The following EP400 variants were observed in gnomAD, a reference collection of about 807,000 sequenced individuals.
The protein encoded by EP400 is E1A-binding protein p400.
A neutral mutation model predicts 354.1 loss-of-function variants in EP400; 105 were observed. The observed-to-expected ratio is 0.30, with a 90% CI of 0.25 to 0.35. The LOEUF is 0.35. EP400 is among the 10% of genes least tolerant of loss of function. EP400 has a pLI of 1.00. For missense variants in EP400, 3,280 were observed against 4,121.0 expected (o/e 0.80, Z 5.59); for synonymous variants, 1,646 against 1,716.9 (o/e 0.96, Z 1.02).
intron 30 of EP400, among the ~76,000 whole-genome samples, chr12:132,034,575 A>G (rs983455266): frequency 4.6e-5 from 7 of 152,180 alleles, no homozygotes; most frequent in African/African-American, 1.7e-4. Context: ...GTGCCCCACT[A>G]TGAGCCATGG....
At chr12:132,060,119 A>G (rs1895643804) in intron 45 of EP400, among the ~76,000 whole-genome samples, 1 of 152,214 alleles carries the variant, frequency 6.6e-6, no homozygotes, top group Non-Finnish European at 1.5e-5. Flanking sequence ...AAGTATATAG[A>G]GAACTTTTAG....
rs1893981019 is a variant in EP400, at chr12:132,017,433, T to C, written c.3924-102T>C. 1.5e-5 allele frequency: 20 copies of C among 1,310,952 alleles called. No individual in the cohort carries two copies. The highest frequency in any genetic ancestry group is 2.0e-5 in the Non-Finnish European group (19 of 944,296). The allele number at this position is 1,310,952 out of a possible 1,614,324, so 81.2% of individuals were successfully genotyped here. A position where few individuals can be genotyped will look rare whatever the true frequency, so the allele number is the denominator to read the frequency against. ...CATTAAGCGGACCTAGAAAATCTGC[T>C]CCTGCCTGCCTTTCTGGAGTTGGGA... On this transcript the variant is annotated intron_variant, in intron 19 of 52. Coordinates refer to ENST00000389561, the MANE Select transcript of EP400 (RefSeq NM_015409.5). This position sits in a 1 kb window ranked among gnomAD's most constrained non-coding sequence, Gnocchi z 5.0.
At chr12:132,023,188 A>G (rs1005122342) in intron 23 of EP400, among the ~76,000 whole-genome samples, 11 of 148,544 alleles carry the variant, frequency 7.4e-5, no homozygotes, top group African/African-American at 2.8e-4. Flanking sequence ...ACTGGGGTGC[A>G]ATGGCCTGAT....
Position 132,053,646 on chromosome 12 carries a change from C to T in EP400, c.7728+49C>T, listed in dbSNP as rs1248060591. 5 of 1,451,472 alleles carry T rather than the reference C, an allele frequency of 3.4e-6. No individual in the cohort carries two copies. In the South Asian group the frequency reaches 7.2e-5, roughly 21 times the overall value. The allele number at this position is 1,451,472 out of a possible 1,614,324, so 89.9% of individuals were successfully genotyped here. The stretch of plus-strand genomic sequence containing the variant: ...CTTCCCCTCTACGGGAAGTCACCCA[C>T]ACCTGCACTTGATTCAAGTGCTTTC... On this transcript the variant is annotated intron_variant, in intron 43 of 52. Transcript: ENST00000389561.
rs1348085506 is a variant in EP400, at chr12:132,055,139, G to A, written c.7815G>A (p.Gly2605=). Residue 2605 remains glycine, a synonymous_variant, in exon 45 of 53, where the codon GGG becomes GGA. Transcript: ENST00000389561. The part of the protein sequence containing the change: ...SGNVIVNTIA[G]VPAATFQSIN... ...ATGTGATCGTGAACACCATCGCAGG[G>A]GTCCCAGCTGCCACCTTCCAGTCCA... 6.2e-7 allele frequency: 1 copy of A among 1,609,110 alleles called. No individual in the cohort carries two copies. The highest frequency in any genetic ancestry group is 1.1e-5 in the South Asian group (1 of 90,624).
At chr12:131,963,994 A>G (rs1167983338) in intron 2 of EP400, among the ~76,000 whole-genome samples, 1 of 152,198 alleles carries the variant, frequency 6.6e-6, no homozygotes, top group Non-Finnish European at 1.5e-5. Context: ...AGTGCAAAAC[A>G]GAATAAGAAA....
chr12:132,015,950 G>A (rs1893915477), intron 19 of EP400, among the ~76,000 whole-genome samples: 1 of 152,008 alleles, frequency 6.6e-6, no homozygotes, highest in Non-Finnish European at 1.5e-5. Flanking sequence ...TCTGTACCAC[G>A]AGCTCCAGAG....
intron 12 of EP400, among the ~76,000 whole-genome samples, chr12:131,995,912 AGT>A (rs960092392): frequency 3.3e-5 from 5 of 151,428 alleles, no homozygotes; most frequent in Non-Finnish European, 5.9e-5. Flanking sequence ...GTTCATCCTG[AGT>A]GTGTGAGAAC....
At chr12:131,989,520 G>C (rs909124908) in intron 7 of EP400, among the ~76,000 whole-genome samples, 3 of 152,246 alleles carry the variant, frequency 2.0e-5, no homozygotes, top group African/African-American at 7.2e-5. Flanking sequence ...GGTATGTGAA[G>C]TGTCTAAACT....
intron 2 of EP400, chr12:131,963,500 T>C: frequency 6.6e-7 from 1 of 1,520,886 alleles, no homozygotes; most frequent in East Asian, 2.3e-5. Flanking sequence ...AAAAATTATG[T>C]TGCCTTTTTT....
At position 132,021,287 on chromosome 12, in the gene EP400, G is replaced by C; in HGVS notation, c.4656G>C (p.Leu1552=). Residue 1552 remains leucine, a synonymous_variant, in exon 23 of 53, where the codon CTG becomes CTC. Transcript: ENST00000389561. ...AAGQSALPQR[L]VLPSQAQARL... ...GGCAGAGCGCGCTGCCTCAGAGGCT[G>C]GTGCTCCCCTCGCAGGCCCAGGCCC... is the stretch of plus-strand genomic sequence containing the variant. 1 of 1,527,688 alleles carries C rather than the reference G, an allele frequency of 6.5e-7. No individual in the cohort carries two copies. The highest frequency in any genetic ancestry group is 1.2e-5 in the South Asian group (1 of 82,840). 94.6% of individuals were successfully genotyped at this position (1,527,688 alleles called of 1,614,324 possible).
At position 132,079,918 on chromosome 12, in the gene EP400, T is replaced by A. The variant is rs1896333362; in HGVS notation, c.*2245T>A. 1 of 152,256 alleles carries A rather than the reference T, an allele frequency of 6.6e-6. No individual in the cohort carries two copies. Among genetic ancestry groups the A allele is most frequent in the Non-Finnish European group, 1.5e-5 (1 of 68,048 alleles). The allele number at this position is 152,256 out of a possible 1,614,324, so 9.4% of individuals were successfully genotyped here. Reference sequence around the variant, plus strand: ...ACGTAAAAACTCTCCTTTTAGTGTGTTATTTTCTTGGCCTTCCCTTTTAAA... The same window carrying A: ...ACGTAAAAACTCTCCTTTTAGTGTGATATTTTCTTGGCCTTCCCTTTTAAA... On this transcript the variant is annotated 3_prime_UTR_variant, in exon 53 of 53. Transcript: ENST00000389561.
chr12:132,018,379 G>A lies in EP400; in HGVS notation c.4277+3G>A, dbSNP rs777137866. 6 of 1,603,238 alleles carry A rather than the reference G, an allele frequency of 3.7e-6. No homozygotes were observed. The highest frequency in any genetic ancestry group is 5.1e-6 in the Non-Finnish European group (6 of 1,176,262). On this transcript the variant is annotated splice_donor_region_variant and intron_variant, in intron 21 of 52. Coordinates refer to ENST00000389561, the MANE Select transcript of EP400 (RefSeq NM_015409.5). This position sits in a 1 kb window ranked among gnomAD's most constrained non-coding sequence, Gnocchi z 4.0. ...GCAGCAAAGCTGAAGGCCAGCAGGT[G>A]CGTGCGACCCAGAGGCAGCGGGGAG...
chr12:132,019,627 G>A (rs1294109435), intron 21 of EP400, among the ~76,000 whole-genome samples: 10 of 152,118 alleles, frequency 6.6e-5, no homozygotes, highest in South Asian at 2.1e-4. Flanking sequence ...GCTTGAAGCC[G>A]GGAGTTTGAG....
chr12:131,985,345 T>A (rs1292378027), intron 5 of EP400, among the ~76,000 whole-genome samples: 1 of 152,260 alleles, frequency 6.6e-6, no homozygotes, highest in African/African-American at 2.4e-5. Context: ...GATGTGGCTG[T>A]GCTGTAATAA....
At chr12:132,034,269 G>A (rs749056915) in intron 30 of EP400, among the ~76,000 whole-genome samples, 4 of 152,146 alleles carry the variant, frequency 2.6e-5, no homozygotes, top group Non-Finnish European at 4.4e-5. Flanking sequence ...TGGCCTTAGC[G>A]GTGCAGGAAC....
In EP400 at chr12:132,057,127, A is replaced by T. The variant is rs568380271; in HGVS notation, c.7884+1919A>T. Among the ~76,000 whole-genome samples, 448 of 152,312 alleles carry T rather than the reference A, an allele frequency of 2.9e-3. 4 individuals carry two copies. The highest frequency in any genetic ancestry group is 0.01 in the African/African-American group (434 of 41,552). ...AACAGTTTCTTATAAAACCAAGCCT[A>T]CTCTTACCATGCAGCTTCGCAGTTC... On this transcript the variant is annotated intron_variant, in intron 45 of 52. Transcript: ENST00000389561.
chr12:131,984,793 G>T (rs1319781722), intron 5 of EP400, among the ~76,000 whole-genome samples: 1 of 151,688 alleles, frequency 6.6e-6, no homozygotes, highest in African/African-American at 2.4e-5. Context: ...CTGCCTCCTG[G>T]GTTCAAACCA....
chr12:131,987,317 T>C (rs1226118713), intron 6 of EP400, among the ~76,000 whole-genome samples: 1 of 152,260 alleles, frequency 6.6e-6, no homozygotes, highest in African/African-American at 2.4e-5. Context: ...GTGATCAGTA[T>C]GCAGCTAGTC....
Sources: allele counts gnomAD v4.1 joint callset (sites outside exome capture counted in the v4.1 genomes callset), GRCh38; gene constraint gnomAD v4.1.1; non-coding constraint Gnocchi (gnomAD v3.1); transcripts MANE v1.5; gene names NCBI Gene and HGNC (gene_info 2026-07-23, HGNC 2026-07-21).